Variants in APOOL observed in about 807,000 individuals in gnomAD.
The protein encoded by APOOL is MICOS complex subunit MIC27.
In APOOL, 12 loss-of-function variants were observed where a neutral mutation model predicts 23.1. The observed-to-expected ratio is 0.52, with a 90% CI of 0.33 to 0.84. The LOEUF is 0.84. Ranked by LOEUF, APOOL falls within the 40% of genes least tolerant of loss-of-function variation. The pLI is 0.02. For missense variants in APOOL, 212 were observed against 199.6 expected, an observed-to-expected ratio of 1.06 and a Z score of -0.37; for synonymous variants, 77 against 69.9, an observed-to-expected ratio of 1.10 and a Z score of -0.51.
rs752594368 is a variant in APOOL at position 85,037,267 on chromosome X, C to T, written c.16-9179C>T. Among the ~76,000 whole-genome samples the T allele has an allele frequency of 8.1e-5, 9 of 111,792 alleles. No individual in the cohort carries two copies. In the East Asian group the frequency reaches 2.6e-3, roughly 32 times the overall value. On this transcript the variant is annotated intron_variant, in intron 1 of 8. Coordinates refer to ENST00000373173, the MANE Select transcript of APOOL (RefSeq NM_198450.6). ...ACCCAAATCTCATCTTGAATTGTAG[C>T]TCCCATAATTTGCTCATGTTGTGGG...
Position 85,088,101 on chromosome X carries a change from T to C in APOOL, c.*423T>C, listed in dbSNP as rs1481067562. Reference sequence around the variant, plus strand: ...ACATATATGTATAAATACATATACATATTTATACATATATGTATAAATACA... The same window carrying C: ...ACATATATGTATAAATACATATACACATTTATACATATATGTATAAATACA... On this transcript the variant is annotated 3_prime_UTR_variant, in exon 9 of 9. Coordinates refer to ENST00000373173, the MANE Select transcript of APOOL (RefSeq NM_198450.6). 3.7e-5 allele frequency: 1 copy of C among 27,383 alleles called. No individual in the cohort carries two copies. The highest frequency in any genetic ancestry group is 4.1e-4 in the Admixed American group (1 of 2,439). 2.3% of individuals were successfully genotyped at this position (27,383 alleles called of 1,213,427 possible).
At chrX:85,057,972 A>G (rs1923035678) in intron 5 of APOOL, among the ~76,000 whole-genome samples, 1 of 111,414 alleles carries the variant, frequency 9.0e-6, no homozygotes, top group East Asian at 2.8e-4. Context: ...TCAGAGCTAG[A>G]ATAATCTAAG....
At chrX:85,027,308 C>T (rs1445226481) in intron 1 of APOOL, among the ~76,000 whole-genome samples, 1 of 111,278 alleles carries the variant, frequency 9.0e-6, no homozygotes, top group Non-Finnish European at 1.9e-5. Context: ...GGATCTGCTG[C>T]CATGACCCAA....
chrX:85,081,724 A>C (rs977530110), intron 8 of APOOL, among the ~76,000 whole-genome samples: 4 of 111,694 alleles, frequency 3.6e-5, no homozygotes, highest in African/African-American at 1.3e-4. Flanking sequence ...TTTCAGGTAC[A>C]CCCATCAAAC....
At chrX:85,084,108 G>A (rs952283352) in intron 8 of APOOL, among the ~76,000 whole-genome samples, 3 of 104,642 alleles carry the variant, frequency 2.9e-5, no homozygotes, top group Non-Finnish European at 5.8e-5. Context: ...ATAATTCTTA[G>A]TTGCTTATAA....
intron 1 of APOOL, among the ~76,000 whole-genome samples, chrX:85,022,133 C>G (rs1276211815): frequency 8.9e-6 from 1 of 112,289 alleles, no homozygotes; most frequent in African/African-American, 3.2e-5. Flanking sequence ...GACACGATGG[C>G]TTCACTGCTG....
chrX:85,047,315 A>G (rs1922609704), intron 2 of APOOL, among the ~76,000 whole-genome samples: 1 of 111,539 alleles, frequency 9.0e-6, no homozygotes, highest in Non-Finnish European at 1.9e-5. Flanking sequence ...CATGTTCAGG[A>G]TAGTGTTTTC....
rs889510499 is a variant in APOOL at position 85,091,962 on chromosome X, A to G, written c.*4284A>G. ...ATGTCTGGGAGGCTGAAGTGGGAGG[A>G]TTGCTTGAGGCCAAAAGTTTGAGAC... On this transcript the variant is annotated 3_prime_UTR_variant, in exon 9 of 9. Transcript: ENST00000373173. 3.4e-5 allele frequency: 4 copies of G among 116,229 alleles called. No homozygotes were observed. The highest frequency in any genetic ancestry group is 9.7e-5 in the African/African-American group (3 of 30,800). 9.6% of individuals were successfully genotyped at this position (116,229 alleles called of 1,213,427 possible).
rs763946020 is a variant in APOOL at position 85,077,045 on chromosome X, G to A, written c.718+2654G>A. Among the ~76,000 whole-genome samples the A allele has an allele frequency of 1.8e-4, 13 of 74,145 alleles. No homozygotes were observed. In the South Asian group the frequency reaches 2.2e-3, roughly 12 times the overall value. 64.4% of individuals were successfully genotyped at this position (74,145 alleles called of 115,157 possible). A position where few individuals can be genotyped will look rare whatever the true frequency, so the allele number is the denominator to read the frequency against. The stretch of plus-strand genomic sequence containing the variant: ...TATATATATGTATGTATATATATAC[G>A]TATATGTATATACACGTATATATAT... On this transcript the variant is annotated intron_variant, in intron 8 of 8. Coordinates refer to ENST00000373173, the MANE Select transcript of APOOL (RefSeq NM_198450.6).
At position 85,090,416 on chromosome X, in the gene APOOL, ATTC is replaced by A. The variant is rs758959580; in HGVS notation, c.*2743_*2745del. The A allele has an allele frequency of 9.0e-6, 1 of 111,308 alleles. No individual in the cohort carries two copies. The highest frequency in any genetic ancestry group is 3.3e-5 in the African/African-American group (1 of 30,633). The allele number at this position is 111,308 out of a possible 1,213,427, so 9.2% of individuals were successfully genotyped here. On this transcript the variant is annotated 3_prime_UTR_variant, in exon 9 of 9. Transcript: ENST00000373173. ...GCTAACATACAGTATCTACTACCCT[ATTC>A]TTCTAACCCATTTGTCTATTATGAT...
chrX:85,078,574 C>A (rs2052597722), intron 8 of APOOL, among the ~76,000 whole-genome samples: 1 of 111,252 alleles, frequency 9.0e-6, no homozygotes. Flanking sequence ...GCGATGCGGG[C>A]TCTTTTTTGG....
chrX:85,066,303 T>G (rs769210452), intron 5 of APOOL, among the ~76,000 whole-genome samples: 4 of 111,754 alleles, frequency 3.6e-5, no homozygotes, highest in African/African-American at 1.3e-4. Context: ...AGCTATGGCT[T>G]AAAGTGGTGG....
intron 1 of APOOL, among the ~76,000 whole-genome samples, chrX:85,007,016 T>C (rs1177325435): frequency 1.8e-5 from 2 of 111,125 alleles, no homozygotes; most frequent in Non-Finnish European, 3.8e-5. Context: ...AAGGTGAAGA[T>C]ACCAAGTGAT....
chrX:85,011,194 T>C (rs1021035773), intron 1 of APOOL, among the ~76,000 whole-genome samples: 1 of 111,800 alleles, frequency 8.9e-6, no homozygotes, highest in Admixed American at 9.5e-5. Context: ...AAATTATTTG[T>C]TCTTTTCTTG....
At chrX:85,004,261 A>AAT (rs754034691) in intron 1 of APOOL, among the ~76,000 whole-genome samples, 6 of 111,436 alleles carry the variant, frequency 5.4e-5, no homozygotes, top group Non-Finnish European at 7.5e-5. Context: ...TAAAGAGAAA[A>AAT]ATATATATAT....
chrX:85,079,877 T>G (rs953782347), intron 8 of APOOL, among the ~76,000 whole-genome samples: 1 of 111,989 alleles, frequency 8.9e-6, no homozygotes, highest in Non-Finnish European at 1.9e-5. Flanking sequence ...TTTATTTGCG[T>G]AGAGGTGTTC....
At chrX:85,022,128 G>A (rs1156453505) in intron 1 of APOOL, among the ~76,000 whole-genome samples, 2 of 112,316 alleles carry the variant, frequency 1.8e-5, no homozygotes, top group African/African-American at 3.2e-5. Context: ...CCGAGGACAC[G>A]ATGGCTTCAC....
At chrX:85,081,840 T>G (rs986488409) in intron 8 of APOOL, among the ~76,000 whole-genome samples, 2 of 111,285 alleles carry the variant, frequency 1.8e-5, no homozygotes, top group Non-Finnish European at 3.8e-5. Context: ...TCATTAATTT[T>G]TCATTAATTC....
At chrX:85,033,882 C>CT (rs1182810894) in intron 1 of APOOL, among the ~76,000 whole-genome samples, 1 of 111,559 alleles carries the variant, frequency 9.0e-6, no homozygotes, top group Non-Finnish European at 1.9e-5. Context: ...CTTTTATTCT[C>CT]TTTTTATTAT....
Sources: allele counts gnomAD v4.1 joint callset (sites outside exome capture counted in the v4.1 genomes callset), GRCh38; gene constraint gnomAD v4.1.1; transcripts MANE v1.5; gene names NCBI Gene and HGNC (gene_info 2026-07-23, HGNC 2026-07-21).